Variants in SLIT2 observed in about 807,000 individuals in gnomAD.
SLIT2 encodes slit guidance ligand 2, also known as slit homolog 2 protein.
Under a neutral mutation model 185.7 loss-of-function variants are expected in SLIT2, and 41 were observed. The observed-to-expected ratio is 0.22, with a 90% CI of 0.17 to 0.29. The LOEUF (loss-of-function observed/expected upper bound fraction) is 0.29, where lower values mean the gene tolerates loss of function less well. Ranked by LOEUF, SLIT2 falls within the 10% of genes least tolerant of loss-of-function variation. The pLI is 1.00. For synonymous variants in SLIT2, 693 were observed against 680.2 expected (o/e 1.02, Z -0.29); for missense variants, 1,571 against 1,909.0 (o/e 0.82, Z 3.30).
chr4:20,587,519 A>G (rs1727160016), intron 29 of SLIT2, among the ~76,000 whole-genome samples: 1 of 152,338 alleles, frequency 6.6e-6, no homozygotes, highest in African/African-American at 2.4e-5. Context: ...GCTGTTGATT[A>G]GAGATTTAAC....
intron 34 of SLIT2, among the ~76,000 whole-genome samples, chr4:20,611,668 A>T (rs541756893): frequency 6.6e-6 from 1 of 152,318 alleles, no homozygotes; most frequent in South Asian, 2.1e-4. Flanking sequence ...AAGCCAAGTC[A>T]CAAGCATACC....
At chr4:20,496,062 T>C (rs1173895777) in intron 9 of SLIT2, among the ~76,000 whole-genome samples, 1 of 152,202 alleles carries the variant, frequency 6.6e-6, no homozygotes, top group African/African-American at 2.4e-5. Context: ...TTATGAGATA[T>C]TTCATTCAAT....
intron 4 of SLIT2, among the ~76,000 whole-genome samples, chr4:20,355,820 TG>T (rs143488241): frequency 1.4e-4 from 21 of 152,278 alleles, no homozygotes; most frequent in Middle Eastern, 3.4e-3. Context: ...TGTCTCTGAT[TG>T]TTATCAAGCT....
intron 34 of SLIT2, chr4:20,615,894 A>T (rs1267895836): frequency 2.6e-5 from 4 of 152,292 alleles, no homozygotes. Flanking sequence ...GTGGTGGTAT[A>T]GCCAGCACTC....
At chr4:20,467,723 G>A (rs1415195198) in intron 4 of SLIT2, 29 bp from the exon 5 acceptor site, 5 of 1,365,306 alleles carry the variant, frequency 3.7e-6, no homozygotes, top group African/African-American at 2.9e-5. Context: ...ATTTTCTAAC[G>A]TGATCCTTTT....
At position 20,613,729 on chromosome 4, in the gene SLIT2, C is replaced by A. The variant is rs28581602; in HGVS notation, c.3848-3181C>A. Among the ~76,000 whole-genome samples the A allele has an allele frequency of 6.8e-3, 1,036 of 152,144 alleles. 8 individuals carry two copies. The highest frequency in any genetic ancestry group is 0.058 in the South Asian group (278 of 4,812). On this transcript the variant is annotated intron_variant, in intron 34 of 36. Transcript: ENST00000504154. Reference sequence around the variant, plus strand: ...AAAACAAAACAAAAAACAAAAAAAACCAGGGATGCTGCCCAAGGAGGACTG... The same window carrying A: ...AAAACAAAACAAAAAACAAAAAAAAACAGGGATGCTGCCCAAGGAGGACTG...
chr4:20,415,235 C>A (rs940515301), intron 4 of SLIT2, among the ~76,000 whole-genome samples: 36 of 152,086 alleles, frequency 2.4e-4, no homozygotes, highest in African/African-American at 8.2e-4. Context: ...CACGGTGAAA[C>A]CCCGTCTCTA....
rs540082456 is a variant in SLIT2, at chr4:20,566,579, C to T, written c.2726-683C>T. Among the ~76,000 whole-genome samples, 10 of 152,050 alleles carry T rather than the reference C, an allele frequency of 6.6e-5. No homozygotes were observed. In the South Asian group the frequency reaches 1.9e-3, roughly 28 times the overall value. On this transcript the variant is annotated intron_variant, in intron 26 of 36. Coordinates refer to ENST00000504154, the MANE Select transcript of SLIT2 (RefSeq NM_004787.4). ...AAAACATGATTTTGCAAGTAAAGAT[C>T]GTTTCAAAGATGTTTTCTTTTTGGA...
At chr4:20,550,684 G>A in intron 24 of SLIT2, 143 bp from the exon 25 acceptor site, 1 of 456,954 alleles carries the variant, frequency 2.2e-6, no homozygotes, top group Non-Finnish European at 3.8e-6. Context: ...CAGGTATCCA[G>A]TTGTACCAAA....
chr4:20,603,500 GTTTCT>G (rs1327086887), intron 33 of SLIT2, among the ~76,000 whole-genome samples: 1 of 152,124 alleles, frequency 6.6e-6, no homozygotes, highest in Non-Finnish European at 1.5e-5. Flanking sequence ...TTCAAAGTGA[GTTTCT>G]TTTCATCTAG....
intron 4 of SLIT2, among the ~76,000 whole-genome samples, chr4:20,438,955 T>A (rs561884567): frequency 1.3e-5 from 2 of 152,236 alleles, no homozygotes; most frequent in Non-Finnish European, 2.9e-5. Context: ...CCATAGTTTC[T>A]TATTGTCTGA....
intron 33 of SLIT2, among the ~76,000 whole-genome samples, chr4:20,606,473 C>T (rs1053600969): frequency 1.6e-4 from 20 of 127,384 alleles, no homozygotes; most frequent in South Asian, 1.4e-3. Flanking sequence ...CAGAGCGAGA[C>T]TCTGTCTCAA....
intron 4 of SLIT2, among the ~76,000 whole-genome samples, chr4:20,354,157 T>G (rs962458867): frequency 1.1e-4 from 17 of 152,134 alleles, no homozygotes; most frequent in Admixed American, 1.1e-3. Flanking sequence ...AATTTGTCAT[T>G]TTTGTATATT....
At chr4:20,552,559 A>G (rs556121180) in intron 25 of SLIT2, 1 of 152,208 alleles carries the variant, frequency 6.6e-6, no homozygotes, top group Non-Finnish European at 1.5e-5. Flanking sequence ...ATGTTGATAG[A>G]GATGAGATCA....
intron 5 of SLIT2, among the ~76,000 whole-genome samples, chr4:20,472,549 T>G (rs1165451820): frequency 0.012 from 246 of 20,936 alleles, 81 homozygotes; most frequent in African/African-American, 0.047. Context: ...TCTATATCTA[T>G]ATATAGATAT....
chr4:20,401,405 C>A (rs567611062), intron 4 of SLIT2, among the ~76,000 whole-genome samples: 1 of 151,986 alleles, frequency 6.6e-6, no homozygotes, highest in South Asian at 2.1e-4. Context: ...ATCTGGCTTC[C>A]TGCTTTGTGC....
chr4:20,412,279 T>C (rs1727316762), intron 4 of SLIT2, among the ~76,000 whole-genome samples: 2 of 150,290 alleles, frequency 1.3e-5, no homozygotes, highest in African/African-American at 4.9e-5. Flanking sequence ...CTCTTGATTC[T>C]CACCTCTACT....
chr4:20,259,649 T>C (rs1424502215), intron 3 of SLIT2, among the ~76,000 whole-genome samples: 3 of 151,860 alleles, frequency 2.0e-5, no homozygotes, highest in Non-Finnish European at 4.4e-5. Context: ...CCAGATGCTA[T>C]ATGCTCTGAA....
intron 4 of SLIT2, among the ~76,000 whole-genome samples, chr4:20,405,887 A>G (rs1049543689): frequency 1.3e-5 from 2 of 152,050 alleles, no homozygotes; most frequent in African/African-American, 4.8e-5. Context: ...TTATCTTTTT[A>G]AAATATGACA....
Sources: gnomAD v4.1 joint callset for allele counts (sites outside exome capture counted in the v4.1 genomes callset) on GRCh38, gnomAD v4.1.1 for gene constraint, MANE v1.5 for transcripts, NCBI Gene and HGNC (gene_info 2026-07-23, HGNC 2026-07-21) for gene names.